Variants in G6PC1 observed in about 807,000 individuals in gnomAD.
The protein encoded by G6PC1 is glucose-6-phosphatase catalytic subunit 1, also known as G-6-Pase.
Under a neutral mutation model 30.4 loss-of-function variants are expected in G6PC1, and 23 were observed. That is an observed-to-expected ratio of 0.76 (90% CI 0.55 to 1.07). The LOEUF is 1.07. Ranked by LOEUF, G6PC1 falls within the 50% of genes least tolerant of loss-of-function variation. G6PC1 has a pLI of 0.00. For synonymous variants in G6PC1, 163 were observed against 175.6 expected (o/e 0.93, Z 0.57); for missense variants, 391 against 433.9 (o/e 0.90, Z 0.88).
At chr17:42,903,375 C>T (rs1016851907) in intron 1 of G6PC1, among the ~76,000 whole-genome samples, 2 of 151,686 alleles carry the variant, frequency 1.3e-5, no homozygotes, top group Non-Finnish European at 2.9e-5. Context: ...TGAGCCACCG[C>T]GCCTGCCTGG....
At chr17:42,910,054 G>A (rs1317188104) in intron 4 of G6PC1, among the ~76,000 whole-genome samples, 1 of 151,826 alleles carries the variant, frequency 6.6e-6, no homozygotes, top group African/African-American at 2.4e-5. Context: ...TAGCAGAGAC[G>A]GGGTTTCACC....
At chr17:42,902,669 G>A (rs1255022083) in intron 1 of G6PC1, among the ~76,000 whole-genome samples, 2 of 152,198 alleles carry the variant, frequency 1.3e-5, no homozygotes, top group Non-Finnish European at 2.9e-5. Flanking sequence ...TGATTTCGGT[G>A]AGAAATCACT....
chr17:42,904,224 G>A (rs2151930093), intron 2 of G6PC1, 184 bp downstream of exon 2: 1 of 616,300 alleles, frequency 1.6e-6, no homozygotes, highest in Non-Finnish European at 3.0e-6. Flanking sequence ...TTGGAAATCT[G>A]CCTATTACAG....
intron 3 of G6PC1, among the ~76,000 whole-genome samples, chr17:42,908,998 G>A (rs1051773024): frequency 4.0e-5 from 6 of 151,876 alleles, no homozygotes; most frequent in African/African-American, 7.3e-5. Context: ...ATAAGCCACC[G>A]TGCCTGGTCA....
chr17:42,901,162 C>T, intron 1 of G6PC1, 56 bp downstream of exon 1: 2 of 1,443,748 alleles, frequency 1.4e-6, no homozygotes, highest in Non-Finnish European at 2.0e-6. Context: ...TTCGCTCTCG[C>T]AATGTCTGTC....
intron 2 of G6PC1, among the ~76,000 whole-genome samples, chr17:42,906,567 T>A (rs1238111097): frequency 6.6e-6 from 1 of 151,650 alleles, no homozygotes; most frequent in African/African-American, 2.4e-5. Flanking sequence ...TCTCTCAGGG[T>A]AGAGGAATTA....
chr17:42,901,953 G>A (rs1274751545), intron 1 of G6PC1, among the ~76,000 whole-genome samples: 2 of 152,178 alleles, frequency 1.3e-5, no homozygotes, highest in African/African-American at 4.8e-5. Flanking sequence ...TAAACAGTGT[G>A]TGCCAGTCCA....
At position 42,912,849 on chromosome 17, in the gene G6PC1, G is replaced by A. The variant is rs1187680391; in HGVS notation, c.*1423G>A. On this transcript the variant is annotated 3_prime_UTR_variant, in exon 5 of 5. Coordinates refer to ENST00000253801, the MANE Select transcript of G6PC1 (RefSeq NM_000151.4). ...GCGCACCTATCACCCAGGCTGGAGTGGAGTGGCACGATCTTGGCTCACTGC... is the reference window on the plus strand; with the variant it reads ...GCGCACCTATCACCCAGGCTGGAGTAGAGTGGCACGATCTTGGCTCACTGC... The A allele has an allele frequency of 6.6e-6, 1 of 151,780 alleles. No individual in the cohort carries two copies. The highest frequency in any genetic ancestry group is 1.9e-4 in the East Asian group (1 of 5,172). 9.4% of individuals were successfully genotyped at this position (151,780 alleles called of 1,614,324 possible). A position where few individuals can be genotyped will look rare whatever the true frequency, so the allele number is the denominator to read the frequency against.
chr17:42,900,819 G>T lies in G6PC1; in HGVS notation c.-58G>T, dbSNP rs2056020280. On this transcript the variant is annotated 5_prime_UTR_variant, in exon 1 of 5. Coordinates refer to ENST00000253801, the MANE Select transcript of G6PC1 (RefSeq NM_000151.4). The stretch of plus-strand genomic sequence containing the variant: ...CTCATAGCAGAGCAATCACCACCAA[G>T]CCTGGAATAACTGCAAGGGCTCTGC... 7.1e-7 allele frequency: 1 copy of T among 1,412,146 alleles called. No homozygotes were observed. The highest frequency in any genetic ancestry group is 1.4e-5 in the African/African-American group (1 of 71,104). 87.5% of individuals were successfully genotyped at this position (1,412,146 alleles called of 1,614,324 possible). A position where few individuals can be genotyped will look rare whatever the true frequency, so the allele number is the denominator to read the frequency against.
intron 3 of G6PC1, among the ~76,000 whole-genome samples, chr17:42,907,974 G>T (rs1259364537): frequency 6.6e-6 from 1 of 152,218 alleles, no homozygotes; most frequent in Non-Finnish European, 1.5e-5. Flanking sequence ...AATAACCAGA[G>T]AAACAGAAGA....
intron 2 of G6PC1, among the ~76,000 whole-genome samples, chr17:42,906,776 G>A (rs1253573044): frequency 1.3e-5 from 2 of 152,094 alleles, no homozygotes; most frequent in African/African-American, 4.8e-5. Flanking sequence ...GCTACTCAGG[G>A]GGCTGAGGTG....
At chr17:42,904,675 C>A (rs1224844536) in intron 2 of G6PC1, among the ~76,000 whole-genome samples, 1 of 152,180 alleles carries the variant, frequency 6.6e-6, no homozygotes, top group Non-Finnish European at 1.5e-5. Flanking sequence ...TCAGCTGTTA[C>A]TTACCAAGCA....
chr17:42,906,300 G>T (rs545768607), intron 2 of G6PC1, among the ~76,000 whole-genome samples: 15 of 152,200 alleles, frequency 9.9e-5, no homozygotes, highest in African/African-American at 3.6e-4. Flanking sequence ...GGAGAGGTCC[G>T]GTTGTGATTC....
At chr17:42,905,429 A>AATATATAT (rs1555559451) in intron 2 of G6PC1, among the ~76,000 whole-genome samples, 23 of 120,836 alleles carry the variant, frequency 1.9e-4, no homozygotes, top group African/African-American at 9.0e-4. Context: ...AAAAAAAAAA[A>AATATATAT]ATATATATAT....
chr17:42,907,677 C>G (rs539615669), intron 3 of G6PC1, 49 bp downstream of exon 3: 1 of 1,262,282 alleles, frequency 7.9e-7, no homozygotes. Context: ...GGAGGCAGCT[C>G]TCTCTGTAGC....
chr17:42,905,443 TACACACACACACAC>T (rs748185736), intron 2 of G6PC1, among the ~76,000 whole-genome samples: 2 of 87,928 alleles, frequency 2.3e-5, no homozygotes, highest in Non-Finnish European at 4.1e-5. Flanking sequence ...TATATATATA[TACACACACACACAC>T]ACACACACAC....
Position 42,907,534 on chromosome 17 carries a change from G to C in G6PC1, c.352G>C (p.Gly118Arg). The change falls in exon 3 of 5, where the codon GGC (glycine) becomes CGC (arginine). Residue 118 changes from glycine (G) to arginine (R), a missense_variant. By Grantham distance (125) the Gly-to-Arg change is moderately radical. Coordinates refer to ENST00000253801, the MANE Select transcript of G6PC1 (RefSeq NM_000151.4). ...TTCCTGCCCTTTAGGGAGCCCCTCT[G>C]GCCATGCCATGGGCACAGCAGGTGT... ...TCETGPGSPS[G>R]HAMGTAGVYY... 6.2e-7 allele frequency: 1 copy of C among 1,611,758 alleles called. No homozygotes were observed. The highest frequency in any genetic ancestry group is 1.3e-5 in the African/African-American group (1 of 74,970).
At chr17:42,909,237 A>G (rs2056080788) in intron 3 of G6PC1, 66 bp from the exon 4 acceptor site, 14 of 1,166,530 alleles carry the variant, frequency 1.2e-5, no homozygotes, top group Non-Finnish European at 1.7e-5. Flanking sequence ...ACATTTCTGC[A>G]GGGGCTGTTT....
At position 42,914,039 on chromosome 17, in the gene G6PC1, T is replaced by C. The variant is rs1458201459; in HGVS notation, c.*2613T>C. Among the ~76,000 whole-genome samples the C allele has an allele frequency of 1.3e-5, 2 of 152,038 alleles. No homozygotes were observed. Among genetic ancestry groups the C allele is most frequent in the East Asian group, 3.8e-4 (2 of 5,196 alleles). ...ACTGGATTTGGGCTCTCAGAGGGCG[T>C]TGTGGGAACCAGGCCCCTCACAGAA... On this transcript the variant is annotated 3_prime_UTR_variant, in exon 5 of 5. Transcript: ENST00000253801.
Sources: gnomAD v4.1 joint callset for allele counts (sites outside exome capture counted in the v4.1 genomes callset) on GRCh38, gnomAD v4.1.1 for gene constraint, MANE v1.5 for transcripts, NCBI Gene and HGNC (gene_info 2026-07-23, HGNC 2026-07-21) for gene names.